Variants in NOL10 observed in about 807,000 individuals in gnomAD.
NOL10 encodes nucleolar protein 10.
In NOL10, 58 loss-of-function variants were observed where a neutral mutation model predicts 103.5. The observed-to-expected ratio is 0.56, with a 90% confidence interval of 0.45 to 0.70. The LOEUF (loss-of-function observed/expected upper bound fraction) is 0.70, where lower values mean the gene tolerates loss of function less well. NOL10 is among the 30% of genes least tolerant of loss of function. The probability of loss-of-function intolerance (pLI) is 0.00; values close to 1 mark genes in which losing one functional copy is unlikely to be tolerated. For synonymous variants in NOL10, 287 were observed against 282.5 expected (o/e 1.02, Z -0.16); for missense variants, 763 against 807.3 (o/e 0.95, Z 0.67).
At chr2:10,638,235 T>C (rs1228585137) in intron 13 of NOL10, among the ~76,000 whole-genome samples, 3 of 151,940 alleles carry the variant, frequency 2.0e-5, no homozygotes, top group Admixed American at 6.6e-5. Flanking sequence ...CAGTGAGTTA[T>C]GATCACGTCA....
chr2:10,619,840 T>A (rs1221997462), intron 13 of NOL10, among the ~76,000 whole-genome samples: 1 of 152,234 alleles, frequency 6.6e-6, no homozygotes, highest in Non-Finnish European at 1.5e-5. Flanking sequence ...ATGTTTATCA[T>A]CATATTACAC....
chr2:10,607,235 G>A lies in NOL10; in HGVS notation c.1103C>T (p.Thr368Ile), dbSNP rs757847925. ...TEELEENPESTVYDDYKFVTK... is the reference protein window; with the variant it reads ...TEELEENPESIVYDDYKFVTK... The stretch of plus-strand genomic sequence containing the variant: ...GACAAATTTATAATCATCATAGACT[G>A]TGCTTTCTGGATTCTCTTCTAATTC... The change falls in exon 14 of 21, where the codon ACA becomes ATA. Residue 368 changes from threonine (T) to isoleucine (I), a missense_variant. Transcript: ENST00000381685. The A allele has an allele frequency of 6.2e-6, 10 of 1,607,104 alleles. No individual in the cohort carries two copies. In the South Asian group the frequency reaches 7.8e-5, roughly 12 times the overall value.
At chr2:10,659,093 T>A in intron 10 of NOL10, 79 bp downstream of exon 10, 2 of 923,870 alleles carry the variant, frequency 2.2e-6, no homozygotes, top group Non-Finnish European at 3.5e-6. Context: ...TTTCTGTTCC[T>A]GCAGTGTATT....
chr2:10,588,984 G>A (rs141358386), intron 19 of NOL10, 59 bp downstream of exon 19: 2 of 1,590,824 alleles, frequency 1.3e-6, no homozygotes, highest in Non-Finnish European at 1.7e-6. Flanking sequence ...CAATGTGCCA[G>A]AGAGGAAAAG....
intron 17 of NOL10, among the ~76,000 whole-genome samples, chr2:10,598,303 T>G (rs1409017985): frequency 6.6e-6 from 1 of 152,222 alleles, no homozygotes; most frequent in Non-Finnish European, 1.5e-5. Flanking sequence ...GACGCGTGTG[T>G]AACTGTTGCA....
intron 3 of NOL10, among the ~76,000 whole-genome samples, chr2:10,679,237 TA>T (rs952353972): frequency 1.3e-5 from 2 of 151,434 alleles, no homozygotes; most frequent in Non-Finnish European, 2.9e-5. Context: ...TGCATGCCTG[TA>T]ATCCCAGCTA....
At chr2:10,689,424 T>C (rs1204096808) in intron 1 of NOL10, among the ~76,000 whole-genome samples, 2 of 152,208 alleles carry the variant, frequency 1.3e-5, no homozygotes, top group African/African-American at 4.8e-5. Context: ...AAACAGCTGA[T>C]GGCCATATGG....
intron 13 of NOL10, among the ~76,000 whole-genome samples, chr2:10,632,238 G>A (rs949282377): frequency 5.9e-5 from 9 of 152,072 alleles, no homozygotes; most frequent in Non-Finnish European, 1.3e-4. Context: ...ACAAAATGAC[G>A]CCCCTGCATT....
At chr2:10,646,561 A>G (rs1338136985) in intron 12 of NOL10, among the ~76,000 whole-genome samples, 3 of 152,242 alleles carry the variant, frequency 2.0e-5, no homozygotes, top group Non-Finnish European at 4.4e-5. Flanking sequence ...AACATCATAG[A>G]GCCCAAAGAG....
intron 13 of NOL10, among the ~76,000 whole-genome samples, chr2:10,613,238 A>C (rs1572289752): frequency 6.6e-6 from 1 of 152,208 alleles, no homozygotes; most frequent in African/African-American, 2.4e-5. Context: ...CCCAAAAGGA[A>C]CAGAGTTGTT....
intron 13 of NOL10, among the ~76,000 whole-genome samples, chr2:10,621,843 T>G (rs1677164472): frequency 3.3e-5 from 5 of 152,158 alleles, no homozygotes; most frequent in Admixed American, 3.3e-4. Context: ...TAAACTATAA[T>G]TGATGAAGAC....
chr2:10,607,313 T>C lies in NOL10; in HGVS notation c.1027-2A>G. ...CCACCGAGGAGCAGGACCCAAAACC[T>C]GTTGGTGTTTATGAGAAGGTCAGCA... On this transcript the variant is annotated splice_acceptor_variant, in intron 13 of 20. Transcript: ENST00000381685. LOFTEE classifies it high-confidence loss of function. 1 of 1,595,122 alleles carries C rather than the reference T, an allele frequency of 6.3e-7. No individual in the cohort carries two copies.
chr2:10,629,554 G>A (rs1677700827), intron 13 of NOL10, among the ~76,000 whole-genome samples: 1 of 152,124 alleles, frequency 6.6e-6, no homozygotes, highest in Non-Finnish European at 1.5e-5. Context: ...ATCTGTATTT[G>A]CCATATTTTG....
At chr2:10,682,935 C>T (rs1001036818) in intron 2 of NOL10, among the ~76,000 whole-genome samples, 5 of 152,152 alleles carry the variant, frequency 3.3e-5, no homozygotes, top group Admixed American at 2.6e-4. Flanking sequence ...CAGGCACGCA[C>T]CACCATGCCT....
At chr2:10,653,809 G>A in intron 12 of NOL10, among the ~76,000 whole-genome samples, 1 of 152,016 alleles carries the variant, frequency 6.6e-6, no homozygotes, top group Non-Finnish European at 1.5e-5. Flanking sequence ...CGCTCTCGGT[G>A]GTCACAGGGT....
rs999762075 is a variant in NOL10 at position 10,571,879 on chromosome 2, C to T, written c.*192G>A. The T allele has an allele frequency of 2.7e-5, 16 of 584,780 alleles. No individual in the cohort carries two copies. Among genetic ancestry groups the T allele is most frequent in the Non-Finnish European group, 4.5e-5 (15 of 336,882 alleles). 36.2% of individuals were successfully genotyped at this position (584,780 alleles called of 1,614,324 possible). A position where few individuals can be genotyped will look rare whatever the true frequency, so the allele number is the denominator to read the frequency against. On this transcript the variant is annotated 3_prime_UTR_variant, in exon 21 of 21. Coordinates refer to ENST00000381685, the MANE Select transcript of NOL10 (RefSeq NM_024894.4). Reference sequence around the variant, plus strand: ...TCGCAAGCACACCCCTGGGGCTGTGCGGTGGCCGTCGGCGGGGCCAGCTTC... The same window carrying T: ...TCGCAAGCACACCCCTGGGGCTGTGTGGTGGCCGTCGGCGGGGCCAGCTTC...
intron 9 of NOL10, among the ~76,000 whole-genome samples, chr2:10,662,106 A>C (rs923255247): frequency 6.6e-5 from 10 of 152,188 alleles, no homozygotes; most frequent in Non-Finnish European, 1.3e-4. Flanking sequence ...TAATTCCTAA[A>C]GGCTGAGTAA....
Position 10,572,193 on chromosome 2 carries a change from A to G in NOL10, c.1948-3T>C. 1 of 1,613,604 alleles carries G rather than the reference A, an allele frequency of 6.2e-7. No homozygotes were observed. The highest frequency in any genetic ancestry group is 1.1e-5 in the South Asian group (1 of 91,064). Reference sequence around the variant, plus strand: ...TGTTGCTTCTTCTGCTGTTCAGACTAAAAGAGAAAATGAAATGAGTAGAGG... The same window carrying G: ...TGTTGCTTCTTCTGCTGTTCAGACTGAAAGAGAAAATGAAATGAGTAGAGG... On this transcript the variant is annotated splice_region_variant and splice_polypyrimidine_tract_variant and intron_variant, in intron 20 of 20. Transcript: ENST00000381685.
chr2:10,572,037 C>G lies in NOL10; in HGVS notation c.*34G>C, dbSNP rs774941114. 3.1e-6 allele frequency: 5 copies of G among 1,609,800 alleles called. No individual in the cohort carries two copies. Among genetic ancestry groups the G allele is most frequent in the Non-Finnish European group, 4.2e-6 (5 of 1,177,572 alleles). On this transcript the variant is annotated 3_prime_UTR_variant, in exon 21 of 21. Transcript: ENST00000381685. ...GATGATCAGTTTGGGGGAGACGTAC[C>G]CCTCCCTAATCACAGGTAGGACCAC...
Sources: gnomAD v4.1 joint callset for allele counts (sites outside exome capture counted in the v4.1 genomes callset) on GRCh38, gnomAD v4.1.1 for gene constraint, MANE v1.5 for transcripts, NCBI Gene and HGNC (gene_info 2026-07-23, HGNC 2026-07-21) for gene names.